SFI1: variants seen among roughly 807,000 people sequenced by gnomAD.
The protein encoded by SFI1 is protein SFI1 homolog.
SFI1 carries 195 observed loss-of-function variants against 207.5 expected under a neutral mutation model. The ratio of observed to expected loss-of-function variants is 0.94; its 90% CI spans 0.84 to 1.06. The LOEUF is 1.06. Ranked by LOEUF, SFI1 falls within the 50% of genes least tolerant of loss-of-function variation. SFI1 has a pLI of 0.00. For synonymous variants in SFI1, 630 were observed against 598.9 expected, an observed-to-expected ratio of 1.05 and a Z score of -0.76; for missense variants, 1,634 against 1,588.0, an observed-to-expected ratio of 1.03 and a Z score of -0.49.
intron 6 of SFI1, among the ~76,000 whole-genome samples, 153 bp from the exon 7 acceptor site, chr22:31,556,785 CTAAT>C (rs1488976992): frequency 1.3e-5 from 2 of 152,194 alleles, no homozygotes; most frequent in Non-Finnish European, 2.9e-5. Context: ...TTCTTGCACT[CTAAT>C]TAATTTTCTA....
intron 10 of SFI1, among the ~76,000 whole-genome samples, chr22:31,575,752 C>A (rs1055354785): frequency 6.6e-6 from 1 of 152,164 alleles, no homozygotes; most frequent in Non-Finnish European, 1.5e-5. Context: ...AAGTGCTTTT[C>A]TCTACCCACT....
At chr22:31,532,229 GA>G (rs1457821418) in intron 4 of SFI1, among the ~76,000 whole-genome samples, 5 of 152,254 alleles carry the variant, frequency 3.3e-5, no homozygotes, top group South Asian at 4.1e-4. Context: ...GAACCTGGGG[GA>G]AAAAATTGGC....
chr22:31,569,816 G>T (rs1340900121), intron 8 of SFI1, among the ~76,000 whole-genome samples: 4 of 151,962 alleles, frequency 2.6e-5, no homozygotes, highest in Admixed American at 6.6e-5. Context: ...TGTTATGGTG[G>T]CATGTGTCTG....
rs970103448 is a variant in SFI1, at chr22:31,573,157, T to C, written c.865T>C (p.Phe289Leu). ...TCATCAGCACTGGCAAAAACGGAGATTTCTAAAGGCCTGGCTTGAATACCT... is the reference window on the plus strand; with the variant it reads ...TCATCAGCACTGGCAAAAACGGAGACTTCTAAAGGCCTGGCTTGAATACCT... ...KHHQHWQKRR[F>L]LKAWLEYLQV... The change falls in exon 9 of 33, where the codon TTT becomes CTT. Residue 289 changes from phenylalanine (F) to leucine (L), a missense_variant. Phe to Leu is a conservative substitution (Grantham distance 22, BLOSUM62 0). Transcript: ENST00000400288. 1.9e-6 allele frequency: 3 copies of C among 1,613,762 alleles called. No individual in the cohort carries two copies. The African/African-American group carries it at 4.0e-5, about 22-fold the overall frequency.
chr22:31,614,057 A>C (rs1603364439), intron 27 of SFI1: 1 of 671,066 alleles, frequency 1.5e-6, no homozygotes. Flanking sequence ...GGATTTCCAA[A>C]CCCTCTCTCC....
chr22:31,608,774 G>A (rs1204904431), intron 22 of SFI1, among the ~76,000 whole-genome samples: 1 of 152,022 alleles, frequency 6.6e-6, no homozygotes, highest in Non-Finnish European at 1.5e-5. Context: ...GTGTAGCTGG[G>A]CCCTTAAATG....
rs1212407263 is a variant in SFI1, at chr22:31,508,331, A to T, written c.47A>T (p.His16Leu). Residue 16 changes from histidine (H) to leucine (L), a missense_variant, in exon 2 of 33, where the codon CAT becomes CTT. His to Leu is a moderately conservative substitution (Grantham distance 99). Transcript: ENST00000400288. ...TEKCISSHNFHQKVIKQRMEK... is the reference protein window; with the variant it reads ...TEKCISSHNFLQKVIKQRMEK... ...AAGTGTATATCAAGCCACAATTTCCATCAAAAAGTGATTAAGCAGAGAATG... is the reference window on the plus strand; with the variant it reads ...AAGTGTATATCAAGCCACAATTTCCTTCAAAAAGTGATTAAGCAGAGAATG... The T allele has an allele frequency of 4.3e-6, 7 of 1,613,656 alleles. No homozygotes were observed. The highest frequency in any genetic ancestry group is 5.9e-6 in the Non-Finnish European group (7 of 1,179,788).
intron 10 of SFI1, among the ~76,000 whole-genome samples, chr22:31,576,414 G>A (rs565031484): frequency 1.3e-5 from 2 of 151,336 alleles, no homozygotes; most frequent in East Asian, 2.0e-4. Flanking sequence ...TCTGCCTCCC[G>A]GGTTCAAGTG....
chr22:31,500,006 T>G (rs1412893300), intron 1 of SFI1, among the ~76,000 whole-genome samples: 1 of 117,744 alleles, frequency 8.5e-6, no homozygotes, highest in Non-Finnish European at 1.8e-5. Flanking sequence ...AAAAAAAACA[T>G]TGAAAATGCC....
chr22:31,610,560 A>G (rs573511149), intron 22 of SFI1, among the ~76,000 whole-genome samples: 9 of 152,350 alleles, frequency 5.9e-5, no homozygotes, highest in African/African-American at 2.2e-4. Flanking sequence ...AGGGCCTAAG[A>G]AGGATTCACC....
chr22:31,578,880 A>G (rs1292326899), intron 11 of SFI1, among the ~76,000 whole-genome samples: 4 of 152,216 alleles, frequency 2.6e-5, no homozygotes, highest in Admixed American at 1.3e-4. Context: ...CACAAAGCAC[A>G]GTACGAAAAC....
intron 11 of SFI1, among the ~76,000 whole-genome samples, chr22:31,579,319 ATT>A (rs1199595157): frequency 7.0e-6 from 1 of 143,632 alleles, no homozygotes; most frequent in African/African-American, 2.6e-5. Flanking sequence ...AATTTTTTAG[ATT>A]TTTTTTTTTT....
chr22:31,602,726 C>T lies in SFI1; in HGVS notation c.1746C>T (p.His582=), dbSNP rs759008496. 26 of 1,614,072 alleles carry T rather than the reference C, an allele frequency of 1.6e-5. No individual in the cohort carries two copies. The highest frequency in any genetic ancestry group is 1.8e-5 in the Non-Finnish European group (21 of 1,180,044). Residue 582 remains histidine, a synonymous_variant, in exon 17 of 33, where the codon CAC becomes CAT. Coordinates refer to ENST00000400288, the MANE Select transcript of SFI1 (RefSeq NM_001007467.3). ...WQTVACAHHR[H]GRLKKAFCLW... is the part of the protein sequence containing the mutation. Reference sequence around the variant, plus strand: ...CAGTGGCCTGTGCCCACCACCGCCACGGGCGGCTCAAGAAAGCTTTCTGCC... The same window carrying T: ...CAGTGGCCTGTGCCCACCACCGCCATGGGCGGCTCAAGAAAGCTTTCTGCC...
At chr22:31,561,239 C>A in intron 7 of SFI1, 51 bp from the exon 8 acceptor site, 2 of 1,552,132 alleles carry the variant, frequency 1.3e-6, no homozygotes, top group Non-Finnish European at 1.8e-6. Flanking sequence ...TCCTCTCTTT[C>A]CTGAGTGGCT....
chr22:31,547,265 A>G (rs1165433596), intron 5 of SFI1, among the ~76,000 whole-genome samples: 4 of 152,146 alleles, frequency 2.6e-5, no homozygotes, highest in African/African-American at 7.2e-5. Context: ...TTTCATTTCT[A>G]TATAATTTCT....
rs141278075 is a variant in SFI1 at position 31,558,856 on chromosome 22, G to A, written c.662+1797G>A. On this transcript the variant is annotated intron_variant, in intron 7 of 32. Coordinates refer to ENST00000400288, the MANE Select transcript of SFI1 (RefSeq NM_001007467.3). Reference sequence around the variant, plus strand: ...ATTTGAGACAGAGTCTCACTGTTTCGTCCAGGCTGGAGTGCCATGGCACAA... The same window carrying A: ...ATTTGAGACAGAGTCTCACTGTTTCATCCAGGCTGGAGTGCCATGGCACAA... 2.4e-4 allele frequency among the ~76,000 whole-genome samples: 37 copies of A among 151,428 alleles called. No homozygotes were observed. In the East Asian group the frequency reaches 6.9e-3, roughly 28 times the overall value.
chr22:31,564,054 G>A (rs999343525), intron 8 of SFI1, among the ~76,000 whole-genome samples: 9 of 151,718 alleles, frequency 5.9e-5, no homozygotes, highest in African/African-American at 9.7e-5. Context: ...TAGGCCAGGC[G>A]CGGTGGCTCA....
chr22:31,549,393 G>T (rs2060422635), intron 5 of SFI1, among the ~76,000 whole-genome samples: 1 of 149,698 alleles, frequency 6.7e-6, no homozygotes. Context: ...TGTCACCCGG[G>T]CTGGAGTGCA....
In SFI1 at chr22:31,618,183, A is replaced by T; in HGVS notation, c.3581A>T (p.Glu1194Val). The change falls in exon 32 of 33, where the codon GAG becomes GTG. Residue 1194 changes from glutamate (E) to valine (V), a missense_variant. By Grantham distance (121) the Glu-to-Val change is moderately radical. Transcript: ENST00000400288. ...LELNREEPGP[E>V]DQEVEQQVQK... Reference sequence around the variant, plus strand: ...CTGAACAGAGAGGAGCCGGGGCCTGAGGACCAGGAAGTAGAGCAGCAGGTG... The same window carrying T: ...CTGAACAGAGAGGAGCCGGGGCCTGTGGACCAGGAAGTAGAGCAGCAGGTG... The T allele has an allele frequency of 6.3e-7, 1 of 1,595,932 alleles. No homozygotes were observed. Among genetic ancestry groups the T allele is most frequent in the Non-Finnish European group, 8.5e-7 (1 of 1,173,232 alleles).
Sources: gnomAD v4.1 joint callset for allele counts (sites outside exome capture counted in the v4.1 genomes callset) on GRCh38, gnomAD v4.1.1 for gene constraint, MANE v1.5 for transcripts, NCBI Gene and HGNC (gene_info 2026-07-23, HGNC 2026-07-21) for gene names.